MYO5A: variants seen among roughly 807,000 people sequenced by gnomAD.
MYO5A encodes myosin VA.
A neutral mutation model predicts 249.7 loss-of-function variants in MYO5A; 98 were observed. The observed-to-expected ratio is 0.39, with a 90% CI of 0.33 to 0.46. The LOEUF (loss-of-function observed/expected upper bound fraction) is 0.46, where lower values mean the gene tolerates loss of function less well. MYO5A is among the 20% of genes least tolerant of loss of function. The pLI is 0.98. For synonymous variants in MYO5A, 778 were observed against 810.6 expected (o/e 0.96, Z 0.68); for missense variants, 1,696 against 2,308.8 (o/e 0.73, Z 5.44).
chr15:52,510,784 C>T (rs2077374246), intron 1 of MYO5A, among the ~76,000 whole-genome samples: 1 of 152,242 alleles, frequency 6.6e-6, no homozygotes, highest in South Asian at 2.1e-4. Context: ...AAACTGGTCC[C>T]TGGGGCCAAA....
chr15:52,314,695 A>C (rs1373715590), intron 40 of MYO5A, among the ~76,000 whole-genome samples: 2 of 152,096 alleles, frequency 1.3e-5, no homozygotes. Flanking sequence ...ATATTTTTAT[A>C]AAAGATCATA....
In MYO5A at chr15:52,396,395, A is replaced by C; in HGVS notation, c.1322T>G (p.Phe441Cys). Residue 441 changes from phenylalanine (F) to cysteine (C), a missense_variant and splice_region_variant, in exon 11 of 42, where the codon TTT becomes TGT. Physicochemically the swap from Phe to Cys is radical, Grantham distance 205. Transcript: ENST00000399233. ...SFIGVLDIYG[F>C]ETFEINSFEQ... is the part of the protein sequence containing the mutation. ...AAAACTATTTATCTCAAATGTTTCA[A>C]ATCTGTAACCACAAAAATAATATGA... is the stretch of plus-strand genomic sequence containing the variant. 2.0e-6 allele frequency: 3 copies of C among 1,536,984 alleles called. No homozygotes were observed. The highest frequency in any genetic ancestry group is 2.7e-6 in the Non-Finnish European group (3 of 1,114,502).
In MYO5A at chr15:52,419,362, G is replaced by A. The variant is rs74612736; in HGVS notation, c.456-3061C>T. Among the ~76,000 whole-genome samples the A allele has an allele frequency of 6.1e-3, 934 of 152,154 alleles. 11 individuals are homozygous for A. Among genetic ancestry groups the A allele is most frequent in the African/African-American group, 0.022 (897 of 41,506 alleles). On this transcript the variant is annotated intron_variant, in intron 4 of 41. Coordinates refer to ENST00000399233, the MANE Select transcript of MYO5A (RefSeq NM_001382347.1). Reference sequence around the variant, plus strand: ...TTTCTTTCAAAACTGTGTTTTTACCGTGGTGTCTTAAAGATGTGGCTTCAC... The same window carrying A: ...TTTCTTTCAAAACTGTGTTTTTACCATGGTGTCTTAAAGATGTGGCTTCAC...
intron 1 of MYO5A, among the ~76,000 whole-genome samples, chr15:52,442,735 C>A (rs1268737553): frequency 6.7e-6 from 1 of 150,048 alleles, no homozygotes; most frequent in Non-Finnish European, 1.5e-5. Flanking sequence ...ACTATGCCCA[C>A]CCATTGTTAA....
chr15:52,334,989 G>A (rs1232423210), intron 34 of MYO5A, among the ~76,000 whole-genome samples: 1 of 152,294 alleles, frequency 6.6e-6, no homozygotes, highest in South Asian at 2.1e-4. Context: ...CCAAACAGAA[G>A]GAGCAGTTAT....
At chr15:52,407,818 A>T (rs2043074861) in intron 7 of MYO5A, among the ~76,000 whole-genome samples, 1 of 151,994 alleles carries the variant, frequency 6.6e-6, no homozygotes, top group Non-Finnish European at 1.5e-5. Context: ...GCCCCTAGGT[A>T]CTCATTACTC....
In MYO5A at chr15:52,376,398, C is replaced by G; in HGVS notation, c.2369G>C (p.Arg790Pro). 1 of 1,614,092 alleles carries G rather than the reference C, an allele frequency of 6.2e-7. No homozygotes were observed. The highest frequency in any genetic ancestry group is 8.5e-7 in the Non-Finnish European group (1 of 1,180,018). ...WLLRKKYLRM[R>P]KAAITMQRYV... The stretch of plus-strand genomic sequence containing the variant: ...TCTCTGCATGGTGATGGCTGCCTTC[C>G]GCATGCGTAGGTACTTCTTTCTCAG... The change falls in exon 19 of 42, where the codon CGG becomes CCG. Residue 790 changes from arginine to proline, a missense_variant. Arg to Pro is a moderately radical substitution (Grantham distance 103). Around this residue, in one of 5 missense-constraint regions of MYO5A, gnomAD observed 412 missense variants for 453.3 expected, o/e 0.91. Coordinates refer to ENST00000399233, the MANE Select transcript of MYO5A (RefSeq NM_001382347.1).
intron 34 of MYO5A, among the ~76,000 whole-genome samples, chr15:52,335,516 CAAAAAAAAAAAAAA>C (rs397854139): frequency 4.7e-5 from 3 of 64,054 alleles, no homozygotes; most frequent in Non-Finnish European, 6.5e-5. Flanking sequence ...ACTCTGTCTC[CAAAAAAAAAAAAAA>C]AAAAAAAAAA....
chr15:52,363,689 G>C lies in MYO5A; in HGVS notation c.3309+865C>G, dbSNP rs993923936. Among the ~76,000 whole-genome samples the C allele has an allele frequency of 2.6e-5, 4 of 152,108 alleles. No individual in the cohort carries two copies. The East Asian group carries it at 7.7e-4, about 29-fold the overall frequency. ...GCATTTCTGGTCATTTGTATAATTA[G>C]GTTACCTTTAAGGCTGGTACTTGTA... On this transcript the variant is annotated intron_variant, in intron 24 of 41. Transcript: ENST00000399233.
At chr15:52,371,774 G>C (rs758239079) in intron 21 of MYO5A, among the ~76,000 whole-genome samples, 43 of 152,076 alleles carry the variant, frequency 2.8e-4, no homozygotes, top group Non-Finnish European at 5.3e-4. Context: ...GAAGGCTGTG[G>C]TGGGAAGATC....
chr15:52,426,785 T>C (rs1171045060), intron 3 of MYO5A, among the ~76,000 whole-genome samples: 1 of 152,238 alleles, frequency 6.6e-6, no homozygotes, highest in Non-Finnish European at 1.5e-5. Flanking sequence ...TTTCCTTTTT[T>C]ATACTTTTCT....
chr15:52,422,457 AAACAGC>A (rs138409425), intron 4 of MYO5A, among the ~76,000 whole-genome samples: 94 of 152,286 alleles, frequency 6.2e-4, no homozygotes, highest in Non-Finnish European at 1.1e-3. Context: ...ACATCTCAAT[AAACAGC>A]AACTCCAACC....
At chr15:52,480,891 T>C (rs75429091) in intron 1 of MYO5A, among the ~76,000 whole-genome samples, 2,226 of 152,304 alleles carry the variant, frequency 0.015, 48 homozygotes, top group African/African-American at 0.051. Flanking sequence ...GTCATTCATT[T>C]AACAAGTACT....
rs763440706 is a variant in MYO5A at position 52,367,061 on chromosome 15, G to T, written c.3130C>A (p.Arg1044Ser). Reference sequence around the variant, plus strand: ...ATCTCCTTAGCCTGCTGCACGATGCGGTGATTGAGGGCTTCTTTTTCTTGC... The same window carrying T: ...ATCTCCTTAGCCTGCTGCACGATGCTGTGATTGAGGGCTTCTTTTTCTTGC... ...LKQEKEALNH[R>S]IVQQAKEMTE... Residue 1044 changes from arginine to serine, a missense_variant, in exon 23 of 42, where the codon CGC becomes AGC. By Grantham distance (110) the Arg-to-Ser change is moderately radical. Around this residue, in one of 5 missense-constraint regions of MYO5A, gnomAD observed 412 missense variants for 453.3 expected, o/e 0.91. Coordinates refer to ENST00000399233, the MANE Select transcript of MYO5A (RefSeq NM_001382347.1). 9 of 1,613,818 alleles carry T rather than the reference G, an allele frequency of 5.6e-6. No homozygotes were observed. The highest frequency in any genetic ancestry group is 7.6e-6 in the Non-Finnish European group (9 of 1,179,772).
intron 1 of MYO5A, among the ~76,000 whole-genome samples, chr15:52,506,452 G>A (rs1009449156): frequency 2.6e-5 from 4 of 151,908 alleles, no homozygotes; most frequent in African/African-American, 9.7e-5. Context: ...ACTTGAACCT[G>A]GGAAGTGGAG....
At chr15:52,349,982 G>A (rs1308824293) in intron 28 of MYO5A, among the ~76,000 whole-genome samples, 1 of 152,208 alleles carries the variant, frequency 6.6e-6, no homozygotes, top group South Asian at 2.1e-4. Flanking sequence ...GCCCAGGCGG[G>A]AGCGCAGTGG....
intron 1 of MYO5A, among the ~76,000 whole-genome samples, chr15:52,500,301 T>C (rs150934502): frequency 2.8e-4 from 42 of 152,198 alleles, no homozygotes; most frequent in African/African-American, 9.6e-4. Flanking sequence ...ATTAGCCATT[T>C]GTATATATTC....
chr15:52,334,218 A>T (rs2039014527), intron 34 of MYO5A, among the ~76,000 whole-genome samples: 1 of 152,244 alleles, frequency 6.6e-6, no homozygotes, highest in South Asian at 2.1e-4. Flanking sequence ...AACTAATAAA[A>T]ATTATGTAAA....
intron 5 of MYO5A, 39 bp from the exon 6 acceptor site, chr15:52,410,515 A>G: frequency 6.4e-7 from 1 of 1,562,964 alleles, no homozygotes; most frequent in African/African-American, 1.4e-5. Flanking sequence ...TAGAAGTGTA[A>G]TTCATAACAT....
Sources: allele counts gnomAD v4.1 joint callset (sites outside exome capture counted in the v4.1 genomes callset), GRCh38; gene constraint gnomAD v4.1.1; regional missense constraint gnomAD v4.1.1; transcripts MANE v1.5; gene names NCBI Gene and HGNC (gene_info 2026-07-23, HGNC 2026-07-21).